Variants in NKAIN2 observed in about 807,000 individuals in gnomAD.
NKAIN2 encodes the protein sodium/potassium-transporting ATPase subunit beta-1-interacting protein 2.
Under a neutral mutation model 32.6 loss-of-function variants are expected in NKAIN2, and 14 were observed. The ratio of observed to expected loss-of-function variants is 0.43; its 90% CI spans 0.28 to 0.67. NKAIN2 has a LOEUF of 0.67. Ranked by LOEUF, NKAIN2 falls within the 30% of genes least tolerant of loss-of-function variation. The pLI is 0.17. For synonymous variants in NKAIN2, 80 were observed against 87.2 expected (o/e 0.92, Z 0.46); for missense variants, 198 against 258.3 (o/e 0.77, Z 1.60).
intron 1 of NKAIN2, among the ~76,000 whole-genome samples, chr6:124,228,606 A>T (rs1167375982): frequency 1.3e-5 from 2 of 152,134 alleles, no homozygotes; most frequent in African/African-American, 4.8e-5. Flanking sequence ...ATATATATTA[A>T]ACTAACCATT....
At chr6:124,028,172 G>A (rs771998651) in intron 1 of NKAIN2, among the ~76,000 whole-genome samples, 14 of 151,850 alleles carry the variant, frequency 9.2e-5, no homozygotes, top group South Asian at 2.1e-4. Context: ...TACTTCATCC[G>A]CTCTATAAAA....
intron 1 of NKAIN2, among the ~76,000 whole-genome samples, chr6:124,221,470 T>C (rs1791817099): frequency 6.6e-6 from 1 of 151,300 alleles, no homozygotes; most frequent in African/African-American, 2.4e-5. Flanking sequence ...GACAAGTTAG[T>C]GGGTGCAGCG....
chr6:124,413,380 T>C (rs1774306972), intron 3 of NKAIN2, among the ~76,000 whole-genome samples: 1 of 152,228 alleles, frequency 6.6e-6, no homozygotes, highest in African/African-American at 2.4e-5. Context: ...TTGTCTAAAG[T>C]CCATTGTCTA....
intron 1 of NKAIN2, among the ~76,000 whole-genome samples, chr6:124,278,985 C>T (rs1795171535): frequency 6.6e-6 from 1 of 152,078 alleles, no homozygotes; most frequent in East Asian, 1.9e-4. Context: ...CCTCATGACA[C>T]ATCACTAAGT....
At chr6:124,711,477 T>C (rs1775454283) in intron 4 of NKAIN2, among the ~76,000 whole-genome samples, 1 of 151,382 alleles carries the variant, frequency 6.6e-6, no homozygotes, top group African/African-American at 2.4e-5. Flanking sequence ...AGATTTGGTC[T>C]TTTCACATAG....
rs553903094 is a variant in NKAIN2, at chr6:124,100,891, T to A, written c.55-182114T>A. The stretch of plus-strand genomic sequence containing the variant: ...CAGAGGCAAGGAAGCAAAAAGAGGC[T>A]GTCTTCTTGGAATTTGAGGGTGGGG... On this transcript the variant is annotated intron_variant, in intron 1 of 6. Transcript: ENST00000368417. 3.3e-5 allele frequency among the ~76,000 whole-genome samples: 5 copies of A among 152,326 alleles called. No individual in the cohort carries two copies. In the South Asian group the frequency reaches 1.0e-3, roughly 32 times the overall value.
At chr6:124,525,460 C>G (rs570753774) in intron 3 of NKAIN2, among the ~76,000 whole-genome samples, 2 of 152,130 alleles carry the variant, frequency 1.3e-5, no homozygotes, top group South Asian at 4.2e-4. Context: ...GAAATTAGCT[C>G]TTTATATAAC....
At chr6:124,438,302 C>T (rs187693033) in intron 3 of NKAIN2, among the ~76,000 whole-genome samples, 2 of 152,090 alleles carry the variant, frequency 1.3e-5, no homozygotes, top group East Asian at 3.9e-4. Flanking sequence ...AAACACTACA[C>T]CCACTCAGTT....
intron 4 of NKAIN2, among the ~76,000 whole-genome samples, chr6:124,778,481 T>C (rs1779084254): frequency 2.0e-5 from 3 of 152,054 alleles, no homozygotes; most frequent in Admixed American, 6.5e-5. Flanking sequence ...CAATGTTGTA[T>C]TCTCCTTGAT....
chr6:123,954,047 T>C (rs901600659), intron 1 of NKAIN2, among the ~76,000 whole-genome samples: 4 of 152,176 alleles, frequency 2.6e-5, no homozygotes, highest in African/African-American at 9.7e-5. Context: ...AGGTGTCCTA[T>C]GTGGAAGTGG....
chr6:124,618,241 G>A (rs142030019), intron 3 of NKAIN2, among the ~76,000 whole-genome samples: 3,479 of 152,230 alleles, frequency 0.023, 134 homozygotes, highest in African/African-American at 0.079. Flanking sequence ...ACTTTGGGAG[G>A]CTGAGCCGGG....
At chr6:124,421,832 G>A (rs1583226908) in intron 3 of NKAIN2, among the ~76,000 whole-genome samples, 1 of 152,246 alleles carries the variant, frequency 6.6e-6, no homozygotes, top group East Asian at 1.9e-4. Context: ...TGCAGGGAAG[G>A]GTTCTTTCTC....
At chr6:124,441,242 T>C (rs1449792401) in intron 3 of NKAIN2, among the ~76,000 whole-genome samples, 1 of 152,082 alleles carries the variant, frequency 6.6e-6, no homozygotes, top group Non-Finnish European at 1.5e-5. Context: ...ATCTCTAGAC[T>C]CTAGTTCTGC....
intron 1 of NKAIN2, among the ~76,000 whole-genome samples, chr6:124,082,575 T>C (rs1784023860): frequency 6.6e-6 from 1 of 151,976 alleles, no homozygotes; most frequent in African/African-American, 2.4e-5. Flanking sequence ...AAAAAAACAT[T>C]TAGAACAATA....
chr6:124,504,820 G>C (rs182686399), intron 3 of NKAIN2, among the ~76,000 whole-genome samples: 109 of 152,282 alleles, frequency 7.2e-4, no homozygotes, highest in Non-Finnish European at 1.3e-3. Flanking sequence ...TAGAAGATGA[G>C]TCATTGTGGA....
At chr6:124,498,138 C>T (rs1452995073) in intron 3 of NKAIN2, among the ~76,000 whole-genome samples, 1 of 152,090 alleles carries the variant, frequency 6.6e-6, no homozygotes, top group Non-Finnish European at 1.5e-5. Flanking sequence ...AGTTTGAAAT[C>T]TGGGAAAGTT....
chr6:123,846,244 G>A (rs1775084304), intron 1 of NKAIN2, among the ~76,000 whole-genome samples: 1 of 152,114 alleles, frequency 6.6e-6, no homozygotes, highest in African/African-American at 2.4e-5. Flanking sequence ...TTGGGAAGCT[G>A]GCCTGAATGA....
At chr6:124,690,801 A>G (rs1774220232) in intron 4 of NKAIN2, among the ~76,000 whole-genome samples, 1 of 152,180 alleles carries the variant, frequency 6.6e-6, no homozygotes, top group African/African-American at 2.4e-5. Flanking sequence ...AATTCAATTG[A>G]ATGCACTTCC....
chr6:124,527,472 A>AT (rs1779362506), intron 3 of NKAIN2, among the ~76,000 whole-genome samples: 1 of 152,122 alleles, frequency 6.6e-6, no homozygotes, highest in Admixed American at 6.6e-5. Flanking sequence ...TAATATTAGA[A>AT]TTTGTTCTTG....
Sources: allele counts gnomAD v4.1 joint callset (sites outside exome capture counted in the v4.1 genomes callset), GRCh38; gene constraint gnomAD v4.1.1; transcripts MANE v1.5; gene names NCBI Gene and HGNC (gene_info 2026-07-23, HGNC 2026-07-21).